Variants in RAPGEF2 observed in about 807,000 individuals in gnomAD.
RAPGEF2 encodes the protein PDZ domain containing guanine nucleotide exchange factor (GEF) 1.
Under a neutral mutation model 186.7 loss-of-function variants are expected in RAPGEF2, and 54 were observed. The ratio of observed to expected loss-of-function variants is 0.29; its 90% confidence interval spans 0.23 to 0.36. The LOEUF is 0.36. Ranked by LOEUF, RAPGEF2 falls within the 10% of genes least tolerant of loss-of-function variation. The pLI is 1.00. For synonymous variants in RAPGEF2, 712 were observed against 705.9 expected, an observed-to-expected ratio of 1.01 and a Z score of -0.14; for missense variants, 1,532 against 2,045.0, an observed-to-expected ratio of 0.75 and a Z score of 4.84.
chr4:159,262,543 A>C (rs1205807813), intron 7 of RAPGEF2, among the ~76,000 whole-genome samples: 3 of 152,212 alleles, frequency 2.0e-5, no homozygotes, highest in African/African-American at 7.2e-5. Flanking sequence ...ATTCTAGGGA[A>C]TGAAGTAAGC....
At chr4:159,240,189 T>C (rs1236049220) in intron 5 of RAPGEF2, among the ~76,000 whole-genome samples, 1 of 152,116 alleles carries the variant, frequency 6.6e-6, no homozygotes, top group Non-Finnish European at 1.5e-5. Context: ...CTGAGTATTT[T>C]ATACTTGCTG....
intron 7 of RAPGEF2, chr4:159,267,945 A>G (rs1757623974): frequency 7.5e-7 from 1 of 1,332,898 alleles, no homozygotes; most frequent in African/African-American, 1.5e-5. Flanking sequence ...AAAAATGGAG[A>G]CGAACACTGT....
intron 7 of RAPGEF2, among the ~76,000 whole-genome samples, chr4:159,247,755 CTTTTTTTTTTT>C (rs56053207): frequency 8.4e-5 from 7 of 83,474 alleles, no homozygotes; most frequent in Admixed American, 3.0e-4. Context: ...TAATTTGTTT[CTTTTTTTTTTT>C]TTTTTTTTTT....
chr4:159,161,948 C>T (rs1040437784), intron 1 of RAPGEF2, among the ~76,000 whole-genome samples: 36 of 152,140 alleles, frequency 2.4e-4, no homozygotes, highest in Non-Finnish European at 1.6e-4. Context: ...CTATTCTAAA[C>T]TTTTATAGTC....
intron 7 of RAPGEF2, among the ~76,000 whole-genome samples, chr4:159,273,690 CTTTCTT>C (rs1758474519): frequency 7.6e-6 from 1 of 131,798 alleles, no homozygotes; most frequent in Non-Finnish European, 1.6e-5. Context: ...TTCTTTCTTT[CTTTCTT>C]TCTTTCTCAA....
intron 3 of RAPGEF2, among the ~76,000 whole-genome samples, chr4:159,206,902 G>A (rs1362136643): frequency 6.6e-6 from 1 of 152,186 alleles, no homozygotes; most frequent in Non-Finnish European, 1.5e-5. Flanking sequence ...CAGAACATCT[G>A]TAAAATAAGA....
At position 159,332,812 on chromosome 4, in the gene RAPGEF2, C is replaced by T. The variant is rs565287871; in HGVS notation, c.2135+115C>T. 587 of 1,284,368 alleles carry T rather than the reference C, an allele frequency of 4.6e-4. 1 individual carries two copies. Among genetic ancestry groups the T allele is most frequent in the Admixed American group, 5.7e-4 (21 of 36,684 alleles). The allele number at this position is 1,284,368 out of a possible 1,614,324, so 79.6% of individuals were successfully genotyped here. ...TGAAAACTGTTCTAGGTTTTTATGA[C>T]TGAGCTATTTTGGAAGCAGTATTAA... On this transcript the variant is annotated intron_variant, in intron 17 of 29. Transcript: ENST00000691494.
chr4:159,181,140 A>G (rs988682430), intron 1 of RAPGEF2, among the ~76,000 whole-genome samples: 11 of 152,220 alleles, frequency 7.2e-5, no homozygotes, highest in African/African-American at 2.7e-4. Flanking sequence ...ACAGATTAAT[A>G]AAGTGCCACT....
chr4:159,136,808 G>T (rs1449565231), intron 1 of RAPGEF2, among the ~76,000 whole-genome samples: 1 of 152,058 alleles, frequency 6.6e-6, no homozygotes, highest in East Asian at 1.9e-4. Flanking sequence ...ATGAAGTCAT[G>T]AGAAAGTTTG....
At chr4:159,277,325 G>A (rs1759043567) in intron 7 of RAPGEF2, among the ~76,000 whole-genome samples, 2 of 152,096 alleles carry the variant, frequency 1.3e-5, no homozygotes, top group South Asian at 2.1e-4. Context: ...GTCTATCATT[G>A]ATGGACATTT....
intron 3 of RAPGEF2, among the ~76,000 whole-genome samples, chr4:159,198,283 TTTCTTTCTTTCTTTCTTTCTTTCTTTC>T (rs1748944667): frequency 8.6e-5 from 1 of 11,606 alleles, no homozygotes; most frequent in Admixed American, 1.2e-3. Flanking sequence ...TCTTTCTTTC[TTTCTTTCTTTCTTTCTTTCTTTCTTTC>T]TTTCTTTCTT....
At chr4:159,279,117 C>T (rs1759333164) in intron 7 of RAPGEF2, among the ~76,000 whole-genome samples, 1 of 152,162 alleles carries the variant, frequency 6.6e-6, no homozygotes, top group African/African-American at 2.4e-5. Flanking sequence ...ATGGAAGGCT[C>T]CCTTTGTTCC....
chr4:159,266,586 A>T (rs1220719330), intron 7 of RAPGEF2, among the ~76,000 whole-genome samples: 1 of 152,128 alleles, frequency 6.6e-6, no homozygotes, highest in East Asian at 1.9e-4. Flanking sequence ...TTTAAAAAAA[A>T]AACCTGGGTA....
intron 11 of RAPGEF2, 194 bp from the exon 12 acceptor site, chr4:159,329,664 A>G: frequency 2.6e-6 from 1 of 378,012 alleles, no homozygotes; most frequent in East Asian, 4.0e-5. Context: ...TAAAAATGAA[A>G]CTTTTCTTGA....
chr4:159,355,573 T>G (rs1731853172), intron 28 of RAPGEF2, among the ~76,000 whole-genome samples: 1 of 152,162 alleles, frequency 6.6e-6, no homozygotes, highest in Non-Finnish European at 1.5e-5. Context: ...TACAGACCAT[T>G]TTAAATGGAC....
chr4:159,323,251 T>A (rs571658632), intron 10 of RAPGEF2, among the ~76,000 whole-genome samples: 1 of 152,236 alleles, frequency 6.6e-6, no homozygotes, highest in Non-Finnish European at 1.5e-5. Flanking sequence ...CATTATGATA[T>A]ACATTCTGTG....
intron 3 of RAPGEF2, among the ~76,000 whole-genome samples, chr4:159,195,887 T>G (rs1009291219): frequency 1.1e-4 from 16 of 145,504 alleles, no homozygotes; most frequent in South Asian, 2.2e-4. Context: ...TTTTTTTTTT[T>G]TTTTTTTTTT....
intron 3 of RAPGEF2, among the ~76,000 whole-genome samples, chr4:159,199,822 A>G (rs1320426141): frequency 1.3e-5 from 2 of 151,972 alleles, no homozygotes; most frequent in Non-Finnish European, 2.9e-5. Context: ...GTTACCTTTC[A>G]TTTTTCTGAG....
At chr4:159,199,057 CAAAAAAA>C (rs749062756) in intron 3 of RAPGEF2, among the ~76,000 whole-genome samples, 10 of 80,336 alleles carry the variant, frequency 1.2e-4, no homozygotes, top group African/African-American at 4.9e-4. Flanking sequence ...GACCCTGTCT[CAAAAAAA>C]AAAAAAAAAA....
Sources: allele counts gnomAD v4.1 joint callset (sites outside exome capture counted in the v4.1 genomes callset), GRCh38; gene constraint gnomAD v4.1.1; transcripts MANE v1.5; gene names NCBI Gene and HGNC (gene_info 2026-07-23, HGNC 2026-07-21).